The following NUP85 variants were observed in gnomAD, a reference collection of about 807,000 sequenced individuals.
NUP85 encodes nucleoporin 85.
NUP85 carries 23 observed loss-of-function variants against 92.8 expected under a neutral mutation model. The ratio of observed to expected loss-of-function variants is 0.25; its 90% confidence interval spans 0.18 to 0.35. The LOEUF (loss-of-function observed/expected upper bound fraction) is 0.35. Ranked by LOEUF, NUP85 falls within the 10% of genes least tolerant of loss-of-function variation. The pLI, the probability that NUP85 is intolerant of heterozygous loss-of-function variation, is 1.00. For missense variants in NUP85, 759 were observed against 822.8 expected (o/e 0.92, Z 0.95); for synonymous variants, 314 against 306.9 (o/e 1.02, Z -0.24).
Position 75,208,613 on chromosome 17 carries a change from CA to C in NUP85, c.126del (p.Glu43LysfsTer19). On this transcript the variant is annotated frameshift_variant, in exon 2 of 19. Coordinates refer to ENST00000245544, the MANE Select transcript of NUP85 (RefSeq NM_024844.5). LOFTEE classifies it high-confidence loss of function. ...TGCTGGTATGTGAAACCTCCTTCAACAAAAAAGGTAGGGTTTTTTTTCTTCC... is the reference window on the plus strand; with the variant it reads ...TGCTGGTATGTGAAACCTCCTTCAACAAAAAGGTAGGGTTTTTTTTCTTCC... The part of the protein sequence containing the change: ...EMLVCETSFN[K>X]KEKSEMVPSC... 10 of 1,575,230 alleles carry C rather than the reference CA, an allele frequency of 6.3e-6. No homozygotes were observed. Among genetic ancestry groups the C allele is most frequent in the Admixed American group, 1.7e-5 (1 of 58,420 alleles).
intron 7 of NUP85, among the ~76,000 whole-genome samples, chr17:75,223,367 G>A (rs2075653663): frequency 6.6e-6 from 1 of 152,004 alleles, no homozygotes; most frequent in Non-Finnish European, 1.5e-5. Flanking sequence ...AAGACTATTT[G>A]CATTGAGTGT....
At chr17:75,225,923 A>G in intron 10 of NUP85, 94 bp downstream of exon 10, 1 of 1,596,580 alleles carries the variant, frequency 6.3e-7, no homozygotes, top group South Asian at 1.1e-5. Context: ...AGGAACAGGA[A>G]GACCCTTTCC....
Position 75,231,579 on chromosome 17 carries a change from T to C in NUP85, c.1185T>C (p.Gly395=). The change falls in exon 13 of 19, where the codon GGT becomes GGC. Residue 395 remains glycine (G), a synonymous_variant. Transcript: ENST00000245544. The surrounding 1 kb of genome is among the most constrained non-coding windows in gnomAD (Gnocchi z 4.6). ...KLLQSHNLYF[G]SNMREFLLLE... ...TTGTTATGTTTTATTCCAGTTTCGG[T>C]TCCAACATGAGAGAGTTCCTCCTGC... 1 of 1,614,178 alleles carries C rather than the reference T, an allele frequency of 6.2e-7. No homozygotes were observed. The highest frequency in any genetic ancestry group is 8.5e-7 in the Non-Finnish European group (1 of 1,180,018).
At chr17:75,208,720 T>G (rs2145265510) in intron 2 of NUP85, 100 bp downstream of exon 2, 1 of 757,280 alleles carries the variant, frequency 1.3e-6, no homozygotes, top group Middle Eastern at 2.3e-4. Flanking sequence ...AACAGTTGAA[T>G]TTATTTTGTA....
chr17:75,232,763 C>T (rs2076122958), intron 14 of NUP85, 88 bp from the exon 15 acceptor site: 1 of 1,149,702 alleles, frequency 8.7e-7, no homozygotes, highest in Non-Finnish European at 1.3e-6. Context: ...TGGAGTGAGG[C>T]TGTGAGGCCA....
intron 6 of NUP85, among the ~76,000 whole-genome samples, chr17:75,217,024 TAC>T (rs2145305622): frequency 6.6e-6 from 1 of 152,126 alleles, no homozygotes; most frequent in Admixed American, 6.6e-5. Flanking sequence ...TAGCTGGGAC[TAC>T]AGGCACGTGC....
At chr17:75,218,626 G>A (rs1172511048) in intron 7 of NUP85, among the ~76,000 whole-genome samples, 1 of 137,144 alleles carries the variant, frequency 7.3e-6, no homozygotes, top group African/African-American at 2.8e-5. Context: ...GTCTCGGCTG[G>A]GTGCGGTGGC....
At chr17:75,208,280 G>GGA (rs2075148015) in intron 1 of NUP85, 1 of 293,124 alleles carries the variant, frequency 3.4e-6, no homozygotes, top group Non-Finnish European at 6.0e-6. Context: ...TACTAAAAAT[G>GGA]AAAAAAAAAA....
At chr17:75,222,597 C>G (rs1226919122) in intron 7 of NUP85, among the ~76,000 whole-genome samples, 2 of 148,318 alleles carry the variant, frequency 1.3e-5, no homozygotes, top group African/African-American at 5.1e-5. Flanking sequence ...AATATTGAAC[C>G]ATTGCTCCTA....
chr17:75,235,650 A>C lies in NUP85; in HGVS notation c.1942A>C (p.Ile648Leu). Residue 648 changes from isoleucine (I) to leucine (L), a missense_variant, in exon 19 of 19, where the codon ATA (isoleucine) becomes CTA (leucine). Coordinates refer to ENST00000245544, the MANE Select transcript of NUP85 (RefSeq NM_024844.5). ...GGCACGAAATCTTGCTCGGGCAATTATAAGAGAAGGCTCACTGGAAGGTTC... is the reference window on the plus strand; with the variant it reads ...GGCACGAAATCTTGCTCGGGCAATTCTAAGAGAAGGCTCACTGGAAGGTTC... ...SLARNLARAIIREGSLEGS is the reference protein window; with the variant it reads ...SLARNLARAILREGSLEGS 6.2e-7 allele frequency: 1 copy of C among 1,614,064 alleles called. No homozygotes were observed. Among genetic ancestry groups the C allele is most frequent in the Non-Finnish European group, 8.5e-7 (1 of 1,179,880 alleles).
Position 75,209,690 on chromosome 17 carries a change from C to T in NUP85, c.128-133C>T, listed in dbSNP as rs887015032. ...AATTCCTGACCTCGTGATCTGCCTG[C>T]CTTGGCCTCCCAAAGTGCTGGGATT... On this transcript the variant is annotated intron_variant, in intron 2 of 18. Coordinates refer to ENST00000245544, the MANE Select transcript of NUP85 (RefSeq NM_024844.5). The T allele has an allele frequency of 1.5e-4, 95 of 624,538 alleles. No homozygotes were observed. The African/African-American group carries it at 1.8e-3, about 12-fold the overall frequency. The allele number at this position is 624,538 out of a possible 1,614,324, so 38.7% of individuals were successfully genotyped here.
chr17:75,226,169 C>G lies in NUP85; in HGVS notation c.1094+12C>G. 3 of 1,601,874 alleles carry G rather than the reference C, an allele frequency of 1.9e-6. No homozygotes were observed. The highest frequency in any genetic ancestry group is 2.6e-6 in the Non-Finnish European group (3 of 1,169,084). On this transcript the variant is annotated intron_variant, in intron 11 of 18. Transcript: ENST00000245544. ...ATCAAAGAGTGCAGGTAGGATCTCT[C>G]CCACCCCCCACTGTAACCATTTTTA...
chr17:75,232,487 C>T (rs541688154), intron 14 of NUP85, among the ~76,000 whole-genome samples: 16 of 152,178 alleles, frequency 1.1e-4, no homozygotes, highest in Non-Finnish European at 2.2e-4. Context: ...ATGGTATTCA[C>T]GATCCACAGG....
chr17:75,226,229 T>G lies in NUP85; in HGVS notation c.1094+72T>G. 11 of 1,280,724 alleles carry G rather than the reference T, an allele frequency of 8.6e-6. No homozygotes were observed. The South Asian group carries it at 1.3e-4, about 16-fold the overall frequency. 79.3% of individuals were successfully genotyped at this position (1,280,724 alleles called of 1,614,324 possible). On this transcript the variant is annotated intron_variant, in intron 11 of 18. Transcript: ENST00000245544. ...ATATCACCACCTTGCGTTTCTAGAG[T>G]GGCCTGTTCCTTCCTTACCCTTCTT...
chr17:75,215,665 A>G (rs1178935889), intron 5 of NUP85, 89 bp from the exon 6 acceptor site: 34 of 1,173,322 alleles, frequency 2.9e-5, no homozygotes, highest in Non-Finnish European at 3.9e-5. Context: ...AATGACTGTC[A>G]TATGAGTCAA....
At chr17:75,229,847 AGCCTGGG>A (rs980931373) in intron 11 of NUP85, among the ~76,000 whole-genome samples, 2 of 151,964 alleles carry the variant, frequency 1.3e-5, no homozygotes, top group African/African-American at 4.8e-5. Flanking sequence ...TGGCTCCCTT[AGCCTGGG>A]TCCCCTATAG....
chr17:75,210,799 T>A (rs2075233309), intron 3 of NUP85, among the ~76,000 whole-genome samples: 1 of 152,004 alleles, frequency 6.6e-6, no homozygotes, highest in African/African-American at 2.4e-5. Context: ...CCTCCTGGAT[T>A]CACGCCATTC....
rs1158362850 is a variant in NUP85 at position 75,222,035 on chromosome 17, GTTT to G, written c.598-3066_598-3064del. Among the ~76,000 whole-genome samples the G allele has an allele frequency of 5.1e-4, 46 of 89,716 alleles. 1 individual carries two copies. In the South Asian group the frequency reaches 0.018, roughly 36 times the overall value. 58.9% of individuals were successfully genotyped at this position (89,716 alleles called of 152,430 possible). On this transcript the variant is annotated intron_variant, in intron 7 of 18. Transcript: ENST00000245544. ...ACATGTTTCTCTCGTGTGTGTGTGT[GTTT>G]TGTTTTGTTTGTTTGTTTGTTTGTT...
Position 75,226,076 on chromosome 17 carries a change from G to C in NUP85, c.1013G>C (p.Gly338Ala), listed in dbSNP as rs1271077352. The C allele has an allele frequency of 6.2e-7, 1 of 1,614,130 alleles. No individual in the cohort carries two copies. The highest frequency in any genetic ancestry group is 1.1e-5 in the South Asian group (1 of 91,078). The stretch of plus-strand genomic sequence containing the variant: ...TCCAGCCTGGACCTGTTTCTGGGAG[G>C]TGAGAGCAGCCCAGAACCCCTGGAC... The part of the protein sequence containing the change: ...AQSSLDLFLG[G>A]ESSPEPLDNI... Residue 338 changes from glycine to alanine, a missense_variant, in exon 11 of 19, where the codon GGT (glycine) becomes GCT (alanine). Gly to Ala is a moderately conservative substitution (Grantham distance 60). Transcript: ENST00000245544.
Sources: allele counts gnomAD v4.1 joint callset (sites outside exome capture counted in the v4.1 genomes callset), GRCh38; gene constraint gnomAD v4.1.1; non-coding constraint Gnocchi (gnomAD v3.1); transcripts MANE v1.5; gene names NCBI Gene and HGNC (gene_info 2026-07-23, HGNC 2026-07-21).